The following TMEM178B variants were observed in gnomAD, a reference collection of about 807,000 sequenced individuals.
TMEM178B encodes the protein transmembrane protein 178B.
TMEM178B carries 5 observed loss-of-function variants against 31.0 expected under a neutral mutation model. The observed-to-expected ratio is 0.16, with a 90% CI of 0.08 to 0.34. The LOEUF is 0.34. Ranked by LOEUF, TMEM178B falls within the 10% of genes least tolerant of loss-of-function variation. TMEM178B has a pLI of 1.00. For synonymous variants in TMEM178B, 164 were observed against 164.0 expected, an observed-to-expected ratio of 1.00 and a Z score of 0.00; for missense variants, 275 against 400.3, an observed-to-expected ratio of 0.69 and a Z score of 2.67.
intron 2 of TMEM178B, among the ~76,000 whole-genome samples, chr7:141,373,229 C>A (rs2116573111): frequency 6.6e-6 from 1 of 152,276 alleles, no homozygotes; most frequent in South Asian, 2.1e-4. Context: ...TGCTGTGGTG[C>A]AAGCTCTGAG....
At chr7:141,399,695 G>T (rs1481162019) in intron 2 of TMEM178B, among the ~76,000 whole-genome samples, 1 of 152,152 alleles carries the variant, frequency 6.6e-6, no homozygotes, top group Admixed American at 6.5e-5. Context: ...GCATCATTTT[G>T]TTCGCCTTCG....
chr7:141,279,731 A>G (rs1231383842), intron 2 of TMEM178B, among the ~76,000 whole-genome samples: 2 of 152,230 alleles, frequency 1.3e-5, no homozygotes, highest in Non-Finnish European at 2.9e-5. Flanking sequence ...GTCTGACCTC[A>G]GTTACCAAAA....
At chr7:141,269,848 C>T (rs769540546) in intron 2 of TMEM178B, among the ~76,000 whole-genome samples, 13 of 152,052 alleles carry the variant, frequency 8.5e-5, no homozygotes, top group Non-Finnish European at 7.4e-5. Context: ...GTGGATCACT[C>T]GAGGCCAGGG....
the TMEM178B span, among the ~76,000 whole-genome samples, chr7:141,504,974 T>C: frequency 6.6e-6 from 1 of 152,250 alleles, no homozygotes; most frequent in Admixed American, 6.5e-5. Flanking sequence ...TTTTTAGGCA[T>C]ATGTGAATCT....
the TMEM178B span, among the ~76,000 whole-genome samples, chr7:141,493,206 T>C: frequency 6.6e-6 from 1 of 152,166 alleles, no homozygotes; most frequent in Admixed American, 6.5e-5. Context: ...GTCTCTCCCC[T>C]CCTCACGACC....
chr7:141,106,085 CAAAA>C (rs3032870), intron 1 of TMEM178B, among the ~76,000 whole-genome samples: 1 of 122,852 alleles, frequency 8.1e-6, no homozygotes, highest in Non-Finnish European at 1.7e-5. Context: ...GACCCTGTCT[CAAAA>C]AAAAAAAAAA....
At chr7:141,222,885 C>T (rs1028209134) in intron 2 of TMEM178B, among the ~76,000 whole-genome samples, 5 of 152,094 alleles carry the variant, frequency 3.3e-5, no homozygotes, top group African/African-American at 9.7e-5. Flanking sequence ...TGTTTGAGGT[C>T]CTCAGTGTGG....
chr7:141,350,596 A>G (rs1301773003), intron 2 of TMEM178B, among the ~76,000 whole-genome samples: 1 of 152,208 alleles, frequency 6.6e-6, no homozygotes, highest in Non-Finnish European at 1.5e-5. Flanking sequence ...CAATATTCAC[A>G]TAGAATCTCC....
At chr7:141,077,029 G>C (rs1322911029) in intron 1 of TMEM178B, among the ~76,000 whole-genome samples, 1 of 152,150 alleles carries the variant, frequency 6.6e-6, no homozygotes, top group African/African-American at 2.4e-5. Context: ...AGCAGCAATA[G>C]ACACATTTTG....
In TMEM178B at chr7:141,437,756, G is replaced by A. The variant is rs1619668; in HGVS notation, c.634+11G>A. 834,316 of 1,535,626 alleles carry A rather than the reference G, an allele frequency of 0.54. 235,043 individuals are homozygous for A. Among genetic ancestry groups the A allele is most frequent in the Non-Finnish European group, 0.59 (672,003 of 1,146,666 alleles). On this transcript the variant is annotated intron_variant, in intron 3 of 3. Transcript: ENST00000565468. ...TCTTCCTCATGGGAGGTAAGGCTAC[G>A]GGCTCGGCTTGTGGGTGGCAGTGGA...
intron 2 of TMEM178B, among the ~76,000 whole-genome samples, chr7:141,300,269 C>T (rs1798701520): frequency 6.6e-6 from 1 of 152,182 alleles, no homozygotes. Flanking sequence ...GCCCCACTGG[C>T]AGGCATTGAA....
chr7:141,334,188 C>G (rs1295319910), intron 2 of TMEM178B, among the ~76,000 whole-genome samples: 1 of 152,202 alleles, frequency 6.6e-6, no homozygotes, highest in Non-Finnish European at 1.5e-5. Flanking sequence ...ATGTGTGGCA[C>G]TTGCTCAGGA....
Position 141,084,565 on chromosome 7 carries a change from C to T in TMEM178B, c.382+9873C>T, listed in dbSNP as rs920522703. On this transcript the variant is annotated intron_variant, in intron 1 of 3. Coordinates refer to ENST00000565468, the MANE Select transcript of TMEM178B (RefSeq NM_001195278.2). ...CTGGGCCCCATCTGGGAGCCGTCAG[C>T]GCATGTTTTGCAGAAAAGCGGACAT... Among the ~76,000 whole-genome samples, 5 of 152,202 alleles carry T rather than the reference C, an allele frequency of 3.3e-5. No individual in the cohort carries two copies. The East Asian group carries it at 5.8e-4, about 18-fold the overall frequency.
At chr7:141,149,540 G>GCAACAA (rs559066936) in intron 1 of TMEM178B, among the ~76,000 whole-genome samples, 12 of 151,890 alleles carry the variant, frequency 7.9e-5, no homozygotes, top group African/African-American at 2.7e-4. Flanking sequence ...AACAACAACA[G>GCAACAA]CAACAACAAC....
At chr7:141,410,166 C>G (rs899360010) in intron 2 of TMEM178B, among the ~76,000 whole-genome samples, 1 of 152,166 alleles carries the variant, frequency 6.6e-6, no homozygotes, top group East Asian at 1.9e-4. Context: ...GTTTCTATTC[C>G]GAGCACTTTG....
At chr7:141,313,507 A>T (rs1192150414) in intron 2 of TMEM178B, among the ~76,000 whole-genome samples, 1 of 152,218 alleles carries the variant, frequency 6.6e-6, no homozygotes, top group Non-Finnish European at 1.5e-5. Context: ...TAACTTGTGG[A>T]AACAGACCAC....
intron 1 of TMEM178B, among the ~76,000 whole-genome samples, chr7:141,158,744 G>A (rs1437696610): frequency 1.3e-5 from 2 of 152,002 alleles, no homozygotes; most frequent in East Asian, 3.9e-4. Context: ...TGGCTGATTG[G>A]CCAATTCTCA....
chr7:141,136,439 T>C (rs2129178415), intron 1 of TMEM178B, among the ~76,000 whole-genome samples: 1 of 152,256 alleles, frequency 6.6e-6, no homozygotes, highest in East Asian at 1.9e-4. Context: ...CATAGGGGAA[T>C]TGCTTCAGGA....
chr7:141,126,259 C>A (rs1002060091), intron 1 of TMEM178B, among the ~76,000 whole-genome samples: 2 of 152,064 alleles, frequency 1.3e-5, no homozygotes, highest in African/African-American at 4.8e-5. Context: ...TAGCATGAGT[C>A]AAGCACTGTC....
Sources: allele counts gnomAD v4.1 joint callset (sites outside exome capture counted in the v4.1 genomes callset), GRCh38; gene constraint gnomAD v4.1.1; transcripts MANE v1.5; gene names NCBI Gene and HGNC (gene_info 2026-07-23, HGNC 2026-07-21).